SLC12A8: variants seen among roughly 807,000 people sequenced by gnomAD.
SLC12A8 encodes the protein solute carrier family 12 member 8.
In SLC12A8, 69 loss-of-function variants were observed where a neutral mutation model predicts 75.6. The observed-to-expected ratio is 0.91, with a 90% CI of 0.75 to 1.11. The LOEUF (loss-of-function observed/expected upper bound fraction) is 1.11, where lower values mean the gene tolerates loss of function less well. Ranked by LOEUF, SLC12A8 falls within the 50% of genes most tolerant of loss-of-function variation. SLC12A8 has a pLI of 0.00. For missense variants in SLC12A8, 877 were observed against 896.7 expected (o/e 0.98, Z 0.28); for synonymous variants, 365 against 372.8 (o/e 0.98, Z 0.24).
chr3:125,208,791 CAGAGAG>C (rs1287670719), intron 2 of SLC12A8, among the ~76,000 whole-genome samples: 29 of 84,224 alleles, frequency 3.4e-4, no homozygotes, highest in South Asian at 1.5e-3. Flanking sequence ...CACACACACA[CAGAGAG>C]AGAGAGAGAG....
chr3:125,108,991 G>A (rs1165258478), intron 9 of SLC12A8, among the ~76,000 whole-genome samples: 1 of 152,154 alleles, frequency 6.6e-6, no homozygotes, highest in African/African-American at 2.4e-5. Flanking sequence ...CCTCTCCTGG[G>A]AGCTCTTCAT....
At chr3:125,155,271 T>C (rs764410798) in intron 5 of SLC12A8, among the ~76,000 whole-genome samples, 2 of 152,138 alleles carry the variant, frequency 1.3e-5, no homozygotes, top group African/African-American at 2.4e-5. Flanking sequence ...TGTACAGCAA[T>C]GTGAATTGAC....
At chr3:125,137,748 T>C (rs1053052435) in intron 5 of SLC12A8, among the ~76,000 whole-genome samples, 26 of 152,244 alleles carry the variant, frequency 1.7e-4, no homozygotes, top group African/African-American at 6.0e-4. Context: ...GCCCAATAGA[T>C]GAGTCACTGG....
chr3:125,097,525 G>T (rs979170087), intron 10 of SLC12A8, among the ~76,000 whole-genome samples: 2 of 139,890 alleles, frequency 1.4e-5, no homozygotes, highest in African/African-American at 5.4e-5. Flanking sequence ...AACCTAAAGG[G>T]AATTGTGTGT....
At chr3:125,168,890 C>T (rs558140531) in intron 5 of SLC12A8, among the ~76,000 whole-genome samples, 54 of 152,162 alleles carry the variant, frequency 3.5e-4, no homozygotes, top group Non-Finnish European at 7.6e-4. Context: ...CTACATTCAG[C>T]GTGAGATGGA....
At chr3:125,181,900 T>C (rs1478764569) in intron 4 of SLC12A8, among the ~76,000 whole-genome samples, 11 of 151,760 alleles carry the variant, frequency 7.2e-5, no homozygotes, top group South Asian at 2.1e-4. Flanking sequence ...AAAGAATGAA[T>C]AGAGGGCCAG....
intron 6 of SLC12A8, chr3:125,125,926 C>T (rs995773531): frequency 2.1e-5 from 21 of 985,020 alleles, no homozygotes; most frequent in Admixed American, 1.8e-4. Flanking sequence ...GCATTGGTTT[C>T]GCCACAGGCA....
At chr3:125,179,605 G>A (rs1934608852) in intron 4 of SLC12A8, among the ~76,000 whole-genome samples, 1 of 152,074 alleles carries the variant, frequency 6.6e-6, no homozygotes, top group Admixed American at 6.6e-5. Flanking sequence ...TTTACACTTA[G>A]CTTAACAGTT....
intron 10 of SLC12A8, among the ~76,000 whole-genome samples, chr3:125,093,668 T>C (rs1393068496): frequency 6.6e-6 from 1 of 152,214 alleles, no homozygotes; most frequent in East Asian, 1.9e-4. Context: ...TGTAGTTGTA[T>C]ACTTATTTAC....
intron 2 of SLC12A8, among the ~76,000 whole-genome samples, chr3:125,202,652 A>AAAAAT (rs1560085633): frequency 6.7e-5 from 10 of 148,828 alleles, no homozygotes; most frequent in African/African-American, 2.0e-4. Context: ...TTTTTTTTTA[A>AAAAAT]ATCTGTATCT....
intron 8 of SLC12A8, among the ~76,000 whole-genome samples, chr3:125,112,501 C>T (rs1472696138): frequency 1.3e-5 from 2 of 152,120 alleles, no homozygotes; most frequent in East Asian, 3.9e-4. Context: ...TGCTTCCTGG[C>T]CCCCTTCCCC....
rs1439091049 is a variant in SLC12A8, at chr3:125,107,900, C to T, written c.1286G>A (p.Cys429Tyr). ...TTTCTCTAAGAGCAGGTGCTCAGAG[C>T]AGTGGAGGCCTTCTGCGCCCTCCCT... ...VLREGAEGLH[C>Y]SEHLLLEKAP... is the part of the protein sequence containing the mutation. The change falls in exon 10 of 14, where the codon TGC (cysteine) becomes TAC (tyrosine). Residue 429 changes from cysteine to tyrosine, a missense_variant. By Grantham distance (194) the Cys-to-Tyr change is radical. Transcript: ENST00000469902. 2 of 1,614,218 alleles carry T rather than the reference C, an allele frequency of 1.2e-6. No individual in the cohort carries two copies. Among genetic ancestry groups the T allele is most frequent in the Admixed American group, 1.7e-5 (1 of 60,024 alleles).
At chr3:125,188,256 C>T (rs1428249573) in intron 3 of SLC12A8, among the ~76,000 whole-genome samples, 1 of 152,204 alleles carries the variant, frequency 6.6e-6, no homozygotes, top group African/African-American at 2.4e-5. Context: ...TCCCTCTTCA[C>T]CTTCCCCCAT....
intron 2 of SLC12A8, among the ~76,000 whole-genome samples, chr3:125,200,014 A>G (rs1290878712): frequency 2.6e-5 from 4 of 152,236 alleles, no homozygotes; most frequent in African/African-American, 9.6e-5. Flanking sequence ...GAGAACAATT[A>G]GAAGACATGA....
chr3:125,099,270 C>T (rs573317577), intron 10 of SLC12A8, among the ~76,000 whole-genome samples: 7 of 152,228 alleles, frequency 4.6e-5, no homozygotes, highest in Admixed American at 2.6e-4. Context: ...CCACACACCA[C>T]GGGGGAGGCA....
At chr3:125,108,647 G>C (rs1214467473) in intron 9 of SLC12A8, among the ~76,000 whole-genome samples, 1 of 152,218 alleles carries the variant, frequency 6.6e-6, no homozygotes, top group Non-Finnish European at 1.5e-5. Flanking sequence ...AGGATTACAG[G>C]CATGAGCCAC....
At chr3:125,105,074 T>TA (rs59393574) in intron 10 of SLC12A8, among the ~76,000 whole-genome samples, 22,392 of 148,918 alleles carry the variant, frequency 0.15, 2,012 homozygotes, top group Middle Eastern at 0.3. Context: ...ACCAACACTT[T>TA]AAAAAAAAAA....
rs535514603 is a variant in SLC12A8, at chr3:125,084,054, T to C, written c.1983-2A>G. On this transcript the variant is annotated splice_acceptor_variant, in intron 13 of 13. Coordinates refer to ENST00000469902, the MANE Select transcript of SLC12A8 (RefSeq NM_024628.6). LOFTEE classifies it high-confidence loss of function. ...TGCTCCTGAGGGGACCGCAAGCTCC[T>C]GCAGTGAGAGAGACACAGAGGATGG... 11 of 1,609,690 alleles carry C rather than the reference T, an allele frequency of 6.8e-6. No individual in the cohort carries two copies. In the African/African-American group the frequency reaches 8.0e-5, roughly 12 times the overall value.
intron 5 of SLC12A8, among the ~76,000 whole-genome samples, chr3:125,136,810 T>C (rs947189479): frequency 3.9e-5 from 6 of 152,200 alleles, no homozygotes; most frequent in African/African-American, 1.4e-4. Flanking sequence ...TGCTTCTTTG[T>C]CAAAGGAGGT....
Sources: gnomAD v4.1 joint callset for allele counts (sites outside exome capture counted in the v4.1 genomes callset) on GRCh38, gnomAD v4.1.1 for gene constraint, MANE v1.5 for transcripts, NCBI Gene and HGNC (gene_info 2026-07-23, HGNC 2026-07-21) for gene names.